PCDH9: variants seen among roughly 807,000 people sequenced by gnomAD.
PCDH9 encodes the protein protocadherin-9.
PCDH9 carries 24 observed loss-of-function variants against 70.6 expected under a neutral mutation model. That is an observed-to-expected ratio of 0.34 (90% CI 0.25 to 0.48). The LOEUF (loss-of-function observed/expected upper bound fraction) is 0.48, where lower values mean the gene tolerates loss of function less well. PCDH9 is among the 20% of genes least tolerant of loss of function. The pLI, the probability that PCDH9 is intolerant of heterozygous loss-of-function variation, is 0.99. For missense variants in PCDH9, 1,281 were observed against 1,503.6 expected, an observed-to-expected ratio of 0.85 and a Z score of 2.45; for synonymous variants, 562 against 558.5, an observed-to-expected ratio of 1.01 and a Z score of -0.09.
At chr13:66,477,821 C>A (rs542634965) in intron 4 of PCDH9, among the ~76,000 whole-genome samples, 7 of 152,126 alleles carry the variant, frequency 4.6e-5, no homozygotes, top group Non-Finnish European at 1.0e-4. Context: ...TATCCTCATC[C>A]TCTTAAATTG....
intron 3 of PCDH9, among the ~76,000 whole-genome samples, chr13:66,732,882 A>C (rs1247478883): frequency 2.0e-5 from 3 of 152,040 alleles, no homozygotes; most frequent in Non-Finnish European, 2.9e-5. Context: ...TTGATATTTT[A>C]CCTACTTAGT....
chr13:66,977,747 A>G (rs1594338231), intron 2 of PCDH9, among the ~76,000 whole-genome samples: 1 of 152,104 alleles, frequency 6.6e-6, no homozygotes, highest in East Asian at 1.9e-4. Flanking sequence ...GATCATCCTA[A>G]AAGCAGCATC....
chr13:66,700,982 G>T (rs2078638792), intron 3 of PCDH9, among the ~76,000 whole-genome samples: 1 of 106,124 alleles, frequency 9.4e-6, no homozygotes, highest in Non-Finnish European at 1.9e-5. Flanking sequence ...TTTTTCACAG[G>T]TATAGGGCAT....
At chr13:66,402,049 G>C (rs550848874) in intron 4 of PCDH9, among the ~76,000 whole-genome samples, 229 of 152,298 alleles carry the variant, frequency 1.5e-3, no homozygotes, top group South Asian at 3.1e-3. Context: ...GGAGATATTA[G>C]AAGTCTGTCA....
Position 66,379,356 on chromosome 13 carries a change from T to G in PCDH9, c.3341-74328A>C, listed in dbSNP as rs1242092455. Among the ~76,000 whole-genome samples the G allele has an allele frequency of 2.0e-5, 3 of 152,198 alleles. No individual in the cohort carries two copies. The East Asian group carries it at 5.8e-4, about 29-fold the overall frequency. ...AAATTTTTATTGATATTGCAAGGAATGTGTTACTAATATTAAAATTAAAGG... is the reference window on the plus strand; with the variant it reads ...AAATTTTTATTGATATTGCAAGGAAGGTGTTACTAATATTAAAATTAAAGG... On this transcript the variant is annotated intron_variant, in intron 4 of 4. Coordinates refer to ENST00000377865, the MANE Select transcript of PCDH9 (RefSeq NM_203487.3).
intron 2 of PCDH9, among the ~76,000 whole-genome samples, chr13:67,017,373 G>T (rs1196207618): frequency 1.3e-5 from 2 of 152,084 alleles, no homozygotes; most frequent in African/African-American, 4.8e-5. Context: ...CATCACTTTT[G>T]GGAATCTAAA....
intron 4 of PCDH9, among the ~76,000 whole-genome samples, chr13:66,593,675 T>TA (rs1238218620): frequency 6.6e-6 from 1 of 151,736 alleles, no homozygotes; most frequent in Non-Finnish European, 1.5e-5. Context: ...TAATTACAAA[T>TA]ATCTGTGGAA....
intron 3 of PCDH9, among the ~76,000 whole-genome samples, chr13:66,781,764 T>C (rs2080002355): frequency 6.6e-6 from 1 of 152,156 alleles, no homozygotes. Flanking sequence ...ATCTAAAATA[T>C]AATGATAAAA....
At chr13:66,468,114 A>C (rs998304616) in intron 4 of PCDH9, among the ~76,000 whole-genome samples, 1 of 151,922 alleles carries the variant, frequency 6.6e-6, no homozygotes, top group African/African-American at 2.4e-5. Flanking sequence ...TAACATGCCC[A>C]AAAGTGTCCT....
chr13:67,102,464 A>G (rs1218196852), intron 2 of PCDH9, among the ~76,000 whole-genome samples: 1 of 152,206 alleles, frequency 6.6e-6, no homozygotes, highest in African/African-American at 2.4e-5. Context: ...GAACTCTAAT[A>G]TCTGTTTTTA....
chr13:66,807,294 A>G (rs2080426063), intron 3 of PCDH9, among the ~76,000 whole-genome samples: 1 of 152,162 alleles, frequency 6.6e-6, no homozygotes, highest in African/African-American at 2.4e-5. Flanking sequence ...CCAAACATAT[A>G]TTATTATCAT....
Position 67,141,494 on chromosome 13 carries a change from G to A in PCDH9, c.3036+83911C>T, listed in dbSNP as rs985991062. Among the ~76,000 whole-genome samples the A allele has an allele frequency of 6.6e-5, 10 of 152,078 alleles. No homozygotes were observed. In the South Asian group the frequency reaches 2.1e-3, roughly 32 times the overall value. Reference sequence around the variant, plus strand: ...CTAGCTCTGTAGCCCAGGCTGGAGTGCAGTGGCGCAATGTCAGCTCAGTGC... The same window carrying A: ...CTAGCTCTGTAGCCCAGGCTGGAGTACAGTGGCGCAATGTCAGCTCAGTGC... On this transcript the variant is annotated intron_variant, in intron 2 of 4. Transcript: ENST00000377865.
chr13:66,580,224 T>A (rs2076871382), intron 4 of PCDH9, among the ~76,000 whole-genome samples: 1 of 152,060 alleles, frequency 6.6e-6, no homozygotes, highest in Non-Finnish European at 1.5e-5. Flanking sequence ...TATAATTATG[T>A]ATCAACTTAA....
chr13:66,479,928 C>T (rs1471721815), intron 4 of PCDH9, among the ~76,000 whole-genome samples: 5 of 152,184 alleles, frequency 3.3e-5, no homozygotes, highest in Non-Finnish European at 5.9e-5. Context: ...TGGCAACCCG[C>T]TCGGGTCCCT....
chr13:67,005,514 G>C (rs2084333197), intron 2 of PCDH9, among the ~76,000 whole-genome samples: 1 of 152,094 alleles, frequency 6.6e-6, no homozygotes, highest in Middle Eastern at 3.2e-3. Flanking sequence ...ACTTTAAAAC[G>C]TTAGGAATAC....
chr13:66,787,354 G>A (rs998819403), intron 3 of PCDH9, among the ~76,000 whole-genome samples: 10 of 152,020 alleles, frequency 6.6e-5, no homozygotes, highest in African/African-American at 2.4e-4. Context: ...GGTGGCTCAC[G>A]CTTGTAATCA....
Position 66,812,158 on chromosome 13 carries a change from T to C in PCDH9, c.3138+91346A>G, listed in dbSNP as rs375512409. ...TTATGGATTGAGCCTCTTCTTTCAA[T>C]ATTTTCTTACGTGCAGAACTTTCAG... On this transcript the variant is annotated intron_variant, in intron 3 of 4. Transcript: ENST00000377865. Among the ~76,000 whole-genome samples the C allele has an allele frequency of 6.8e-4, 104 of 152,274 alleles. 3 individuals carry two copies. The South Asian group carries it at 0.021, about 30-fold the overall frequency.
chr13:66,666,407 C>G (rs1231330832), intron 3 of PCDH9, among the ~76,000 whole-genome samples: 1 of 151,174 alleles, frequency 6.6e-6, no homozygotes, highest in Non-Finnish European at 1.5e-5. Context: ...GATTCCTCTA[C>G]CTGTCTTCTG....
intron 3 of PCDH9, among the ~76,000 whole-genome samples, chr13:66,688,102 T>C (rs538696194): frequency 5.3e-5 from 8 of 152,228 alleles, no homozygotes; most frequent in African/African-American, 1.9e-4. Context: ...TCCTCTTCTA[T>C]ACACTATTTT....
Sources: gnomAD v4.1 joint callset for allele counts (sites outside exome capture counted in the v4.1 genomes callset) on GRCh38, gnomAD v4.1.1 for gene constraint, MANE v1.5 for transcripts, NCBI Gene and HGNC (gene_info 2026-07-23, HGNC 2026-07-21) for gene names.